Variants in CEP95 observed in about 807,000 individuals in gnomAD.
CEP95 encodes centrosomal protein 95, also known as centrosomal protein of 95 kDa.
CEP95 carries 98 observed loss-of-function variants against 111.2 expected under a neutral mutation model. The ratio of observed to expected loss-of-function variants is 0.88; its 90% confidence interval spans 0.75 to 1.04. CEP95 has a LOEUF of 1.04. CEP95 is among the 50% of genes least tolerant of loss of function. CEP95 has a pLI of 0.00. For missense variants in CEP95, 1,027 were observed against 977.2 expected, an observed-to-expected ratio of 1.05 and a Z score of -0.68; for synonymous variants, 323 against 327.1, an observed-to-expected ratio of 0.99 and a Z score of 0.14.
intron 8 of CEP95, among the ~76,000 whole-genome samples, chr17:64,523,882 G>T (rs1460869017): frequency 2.6e-5 from 4 of 152,228 alleles, no homozygotes; most frequent in Non-Finnish European, 4.4e-5. Context: ...AGCAGAGCAA[G>T]ACCCTGTCTC....
chr17:64,516,063 A>G (rs2144384192), intron 4 of CEP95: 1 of 152,294 alleles, frequency 6.6e-6, no homozygotes, highest in Non-Finnish European at 1.5e-5. Context: ...GTAAATGCAT[A>G]ATAAATGTTA....
chr17:64,516,350 G>C (rs950654449), intron 4 of CEP95, among the ~76,000 whole-genome samples: 11 of 152,164 alleles, frequency 7.2e-5, no homozygotes, highest in African/African-American at 2.7e-4. Context: ...CTCAGCCTAA[G>C]GCATGATTAT....
chr17:64,534,804 C>G, intron 17 of CEP95, 67 bp downstream of exon 17: 2 of 1,545,894 alleles, frequency 1.3e-6, no homozygotes, highest in South Asian at 1.2e-5. Context: ...GGACCACCTT[C>G]TTTGTTCGTG....
chr17:64,529,532 A>G, intron 12 of CEP95, 105 bp downstream of exon 12: 1 of 1,193,808 alleles, frequency 8.4e-7, no homozygotes, highest in Non-Finnish European at 1.2e-6. Flanking sequence ...AAATACATTT[A>G]ATATTCTTGA....
chr17:64,536,341 T>G (rs558010959), intron 17 of CEP95: 125 of 230,220 alleles, frequency 5.4e-4, no homozygotes, highest in Non-Finnish European at 7.6e-4. Context: ...CCCAGCTATT[T>G]GGGTAGCCAA....
At position 64,507,087 on chromosome 17, in the gene CEP95, G is replaced by A; in HGVS notation, c.-11G>A. On this transcript the variant is annotated 5_prime_UTR_variant, in exon 1 of 20. Transcript: ENST00000556440. ...CCGCGTCGGAGTCCGGCGGCGACCT[G>A]CCTCTGAAACATGGCAGGCTCGGAT... is the stretch of plus-strand genomic sequence containing the variant. The A allele has an allele frequency of 1.3e-6, 2 of 1,551,322 alleles. No homozygotes were observed. Among genetic ancestry groups the A allele is most frequent in the South Asian group, 2.4e-5 (2 of 84,070 alleles).
At chr17:64,533,599 CCT>C (rs1304332306) in intron 16 of CEP95, among the ~76,000 whole-genome samples, 1 of 151,984 alleles carries the variant, frequency 6.6e-6, no homozygotes, top group African/African-American at 2.4e-5. Flanking sequence ...AGAGTGAGAC[CCT>C]GTCTCAACAA....
chr17:64,507,663 C>T lies in CEP95; in HGVS notation c.19+547C>T, dbSNP rs1355306876. 7.1e-6 allele frequency: 7 copies of T among 987,446 alleles called. No homozygotes were observed. The East Asian group carries it at 4.5e-4, about 64-fold the overall frequency. 61.2% of individuals were successfully genotyped at this position (987,446 alleles called of 1,614,324 possible). A position where few individuals can be genotyped will look rare whatever the true frequency, so the allele number is the denominator to read the frequency against. ...TTTGGTTGTCTAGGACGCTTTCATCCTTTTCACAAGGACTGCGTACAAACC... is the reference window on the plus strand; with the variant it reads ...TTTGGTTGTCTAGGACGCTTTCATCTTTTTCACAAGGACTGCGTACAAACC... On this transcript the variant is annotated intron_variant, in intron 1 of 19. Coordinates refer to ENST00000556440, the MANE Select transcript of CEP95 (RefSeq NM_138363.3).
intron 3 of CEP95, among the ~76,000 whole-genome samples, 174 bp from the exon 4 acceptor site, chr17:64,514,074 A>G (rs1295483437): frequency 6.6e-6 from 1 of 152,168 alleles, no homozygotes; most frequent in African/African-American, 2.4e-5. Context: ...CTTAATATTT[A>G]TAATTGTTTC....
rs142340974 is a variant in CEP95, at chr17:64,530,546, C to T, written c.1447-380C>T. The stretch of plus-strand genomic sequence containing the variant: ...TTCTCAAGGTGGAGATTCACTCTTG[C>T]CGCCCAGGCTGGAGTGCAATGGCAT... On this transcript the variant is annotated intron_variant, in intron 12 of 19. Transcript: ENST00000556440. 7.7e-3 allele frequency among the ~76,000 whole-genome samples: 1,154 copies of T among 150,024 alleles called. 17 individuals carry two copies. Among genetic ancestry groups the T allele is most frequent in the African/African-American group, 0.027 (1,092 of 40,722 alleles).
At chr17:64,521,237 A>T (rs1967311570) in intron 6 of CEP95, among the ~76,000 whole-genome samples, 165 bp from the exon 7 acceptor site, 1 of 152,206 alleles carries the variant, frequency 6.6e-6, no homozygotes, top group Non-Finnish European at 1.5e-5. Context: ...ATGCTGTCTG[A>T]AAAAGAAAAA....
intron 17 of CEP95, 117 bp downstream of exon 17, chr17:64,534,854 C>T (rs782620764): frequency 5.0e-6 from 6 of 1,208,876 alleles, no homozygotes; most frequent in South Asian, 1.3e-5. Flanking sequence ...AAACTGAAGT[C>T]CTATAGTGCT....
In CEP95 at chr17:64,518,034, G is replaced by A. The variant is rs144283547; in HGVS notation, c.473+1206G>A. The stretch of plus-strand genomic sequence containing the variant: ...TGGGACTACAGGTGCACGCCGCCAC[G>A]GCTGGCTAATTTTTGTATCTTTAGT... On this transcript the variant is annotated intron_variant, in intron 5 of 19. Transcript: ENST00000556440. Among the ~76,000 whole-genome samples, 452 of 152,074 alleles carry A rather than the reference G, an allele frequency of 3.0e-3. 1 individual carries two copies. The highest frequency in any genetic ancestry group is 0.01 in the African/African-American group (433 of 41,468).
chr17:64,519,531 A>G, intron 6 of CEP95, 95 bp downstream of exon 6: 1 of 844,704 alleles, frequency 1.2e-6, no homozygotes, highest in Non-Finnish European at 1.9e-6. Context: ...AGAAGAATAG[A>G]GTGCTAACTG....
intron 3 of CEP95, 23 bp downstream of exon 3, chr17:64,510,303 C>G: frequency 1.6e-6 from 2 of 1,267,098 alleles, no homozygotes; most frequent in Non-Finnish European, 2.3e-6. Context: ...ATAACTATCA[C>G]ATAATTATGC....
In CEP95 at chr17:64,508,658, A is replaced by C. The variant is rs782482844; in HGVS notation, c.86A>C (p.Gln29Pro). Reference protein sequence around the residue: ...CHIHLRIHELQDCDANVFIAL... With the variant: ...CHIHLRIHELPDCDANVFIAL... ...ATACATCTGAGAATACATGAACTTCAAGACTGTGATGCTAATGTTTTTATT... is the reference window on the plus strand; with the variant it reads ...ATACATCTGAGAATACATGAACTTCCAGACTGTGATGCTAATGTTTTTATT... Residue 29 changes from glutamine to proline, a missense_variant, in exon 2 of 20, where the codon CAA becomes CCA. Physicochemically the swap from Gln to Pro is moderately conservative, Grantham distance 76. Coordinates refer to ENST00000556440, the MANE Select transcript of CEP95 (RefSeq NM_138363.3). The C allele has an allele frequency of 4.1e-6, 6 of 1,467,748 alleles. No homozygotes were observed. The East Asian group carries it at 1.3e-4, about 33-fold the overall frequency. The allele number at this position is 1,467,748 out of a possible 1,614,324, so 90.9% of individuals were successfully genotyped here. A position where few individuals can be genotyped will look rare whatever the true frequency, so the allele number is the denominator to read the frequency against.
At position 64,508,123 on chromosome 17, in the gene CEP95, A is replaced by G. The variant is rs549519789; in HGVS notation, c.20-469A>G. The G allele has an allele frequency of 5.9e-5, 58 of 985,490 alleles. No homozygotes were observed. The South Asian group carries it at 2.5e-3, about 43-fold the overall frequency. The allele number at this position is 985,490 out of a possible 1,614,324, so 61.0% of individuals were successfully genotyped here. A position where few individuals can be genotyped will look rare whatever the true frequency, so the allele number is the denominator to read the frequency against. On this transcript the variant is annotated intron_variant, in intron 1 of 19. Transcript: ENST00000556440. ...TAATCACCACTTTTTCCGGCACCAGAGAAACCCTGACTTGCACAAGATAAT... is the reference window on the plus strand; with the variant it reads ...TAATCACCACTTTTTCCGGCACCAGGGAAACCCTGACTTGCACAAGATAAT...
In CEP95 at chr17:64,514,231, C is replaced by A. The variant is rs572838748; in HGVS notation, c.257-17C>A. On this transcript the variant is annotated splice_polypyrimidine_tract_variant and intron_variant, in intron 3 of 19. Coordinates refer to ENST00000556440, the MANE Select transcript of CEP95 (RefSeq NM_138363.3). ...TTCATGGTTAAATTTTTTAATAGCT[C>A]TATATTCTGTCTCCAGGAGAAAATA... is the stretch of plus-strand genomic sequence containing the variant. 8 of 1,012,570 alleles carry A rather than the reference C, an allele frequency of 7.9e-6. No individual in the cohort carries two copies. In the Admixed American group the frequency reaches 1.7e-4, roughly 21 times the overall value. 62.7% of individuals were successfully genotyped at this position (1,012,570 alleles called of 1,614,324 possible). A position where few individuals can be genotyped will look rare whatever the true frequency, so the allele number is the denominator to read the frequency against.
At position 64,532,008 on chromosome 17, in the gene CEP95, A is replaced by G; in HGVS notation, c.1658A>G (p.Asn553Ser). 1 of 1,583,958 alleles carries G rather than the reference A, an allele frequency of 6.3e-7. No individual in the cohort carries two copies. Among genetic ancestry groups the G allele is most frequent in the Non-Finnish European group, 8.5e-7 (1 of 1,171,868 alleles). The part of the protein sequence containing the change: ...QSLRGGLPKP[N>S]KAVPMKVSEH... ...CTAAGAGGTGGCCTCCCAAAGCCAA[A>G]TAAAGCAGTTCCAAGTAAGAACCAC... Residue 553 changes from asparagine to serine, a missense_variant, in exon 14 of 20, where the codon AAT (asparagine) becomes AGT (serine). Physicochemically the swap from Asn to Ser is conservative, Grantham distance 46 (BLOSUM62 1). Transcript: ENST00000556440.
Sources: gnomAD v4.1 joint callset for allele counts (sites outside exome capture counted in the v4.1 genomes callset) on GRCh38, gnomAD v4.1.1 for gene constraint, MANE v1.5 for transcripts, NCBI Gene and HGNC (gene_info 2026-07-23, HGNC 2026-07-21) for gene names.